SPSB1: variants seen among roughly 807,000 people sequenced by gnomAD.
SPSB1 encodes the protein SPRY domain-containing SOCS box protein 1.
In SPSB1, 8 loss-of-function variants were observed where a neutral mutation model predicts 21.2. The ratio of observed to expected loss-of-function variants is 0.38; its 90% CI spans 0.22 to 0.68. The LOEUF is 0.68. Ranked by LOEUF, SPSB1 falls within the 30% of genes least tolerant of loss-of-function variation. The probability of loss-of-function intolerance (pLI) is 0.53; values close to 1 mark genes in which losing one functional copy is unlikely to be tolerated. For missense variants in SPSB1, 242 were observed against 377.8 expected (o/e 0.64, Z 2.98); for synonymous variants, 169 against 161.7 (o/e 1.05, Z -0.34).
chr1:9,368,174 C>T lies in SPSB1; in HGVS notation c.*599C>T, dbSNP rs1446101507. On this transcript the variant is annotated 3_prime_UTR_variant, in exon 3 of 3. Transcript: ENST00000328089. ...CCATCCTGGCTGCCGGTGCCCCGTA[C>T]CCTGTATTTATTCTTTTAACAATAA... 1 of 154,044 alleles carries T rather than the reference C, an allele frequency of 6.5e-6. No homozygotes were observed. Among genetic ancestry groups the T allele is most frequent in the Non-Finnish European group, 1.4e-5 (1 of 69,038 alleles). 9.5% of individuals were successfully genotyped at this position (154,044 alleles called of 1,614,324 possible).
chr1:9,356,789 A>G lies in SPSB1; in HGVS notation c.694+204A>G, dbSNP rs1462574085. Among the ~76,000 whole-genome samples, 7 of 152,250 alleles carry G rather than the reference A, an allele frequency of 4.6e-5. No individual in the cohort carries two copies. The highest frequency in any genetic ancestry group is 3.9e-4 in the Admixed American group (6 of 15,276). Reference sequence around the variant, plus strand: ...CAGCTAGATTACCTAACGGTGCCTCATGAATGAATGGACAGATGGATGGAT... The same window carrying G: ...CAGCTAGATTACCTAACGGTGCCTCGTGAATGAATGGACAGATGGATGGAT... On this transcript the variant is annotated intron_variant, in intron 2 of 2. Coordinates refer to ENST00000328089, the MANE Select transcript of SPSB1 (RefSeq NM_025106.4). The surrounding 1 kb of genome is among the most constrained non-coding windows in gnomAD (Gnocchi z 7.4).
intron 1 of SPSB1, among the ~76,000 whole-genome samples, chr1:9,313,021 T>G (rs1054909348): frequency 6.6e-6 from 1 of 152,224 alleles, no homozygotes; most frequent in Non-Finnish European, 1.5e-5. Context: ...CTGGGCACTT[T>G]CCACACATTA....
chr1:9,333,328 C>CTTT (rs33924371), intron 1 of SPSB1, among the ~76,000 whole-genome samples: 1 of 126,516 alleles, frequency 7.9e-6, no homozygotes. Flanking sequence ...TTGTCAGCTT[C>CTTT]TTTTTTTTTT....
rs377105623 is a variant in SPSB1, at chr1:9,361,582, C to T, written c.694+4997C>T. ...AGAGTCCCGGCTTCTACACTGGGGC[C>T]GTGGCCGGGCGGAAGTAGGGGTACT... On this transcript the variant is annotated intron_variant, in intron 2 of 2. Transcript: ENST00000328089. Among the ~76,000 whole-genome samples, 555 of 152,346 alleles carry T rather than the reference C, an allele frequency of 3.6e-3. 1 individual carries two copies. The highest frequency in any genetic ancestry group is 8.0e-3 in the African/African-American group (332 of 41,576).
intron 2 of SPSB1, among the ~76,000 whole-genome samples, chr1:9,358,595 C>T (rs1354132524): frequency 6.6e-6 from 1 of 152,208 alleles, no homozygotes; most frequent in Non-Finnish European, 1.5e-5. Flanking sequence ...TGACCCTCAG[C>T]CCTGCCTCCC....
chr1:9,334,146 T>G (rs1639967496), intron 1 of SPSB1, among the ~76,000 whole-genome samples: 1 of 152,178 alleles, frequency 6.6e-6, no homozygotes, highest in East Asian at 1.9e-4. Context: ...AGTGCGGTGG[T>G]GCGATCTCGG....
chr1:9,329,967 C>T (rs897253337), intron 1 of SPSB1, among the ~76,000 whole-genome samples: 6 of 152,266 alleles, frequency 3.9e-5, no homozygotes, highest in Non-Finnish European at 7.3e-5. Context: ...GACAGGACAG[C>T]GGGTTCAGAG....
intron 1 of SPSB1, among the ~76,000 whole-genome samples, chr1:9,351,890 C>T (rs530813490): frequency 1.3e-4 from 20 of 152,328 alleles, no homozygotes; most frequent in Admixed American, 2.6e-4. Flanking sequence ...GTGTGGGCCA[C>T]ATTCCCTGGC....
At chr1:9,311,866 T>C (rs1639526782) in intron 1 of SPSB1, among the ~76,000 whole-genome samples, 1 of 152,200 alleles carries the variant, frequency 6.6e-6, no homozygotes, top group Non-Finnish European at 1.5e-5. Flanking sequence ...GAGCCCTGTT[T>C]CATCCTCTGC....
intron 2 of SPSB1, among the ~76,000 whole-genome samples, chr1:9,366,683 C>T (rs1360898606): frequency 6.6e-6 from 1 of 151,796 alleles, no homozygotes; most frequent in African/African-American, 2.4e-5. Context: ...AAGCGATTCT[C>T]CTGCCTCAGA....
chr1:9,345,588 C>T lies in SPSB1; in HGVS notation c.-149-10155C>T, dbSNP rs1018623664. On this transcript the variant is annotated intron_variant, in intron 1 of 2. Coordinates refer to ENST00000328089, the MANE Select transcript of SPSB1 (RefSeq NM_025106.4). This position sits in a 1 kb window ranked among gnomAD's most constrained non-coding sequence, Gnocchi z 4.8. ...CGTTGTCCTCGCCACCCTGACTAAG[C>T]TACAGCTGCGATATATTGTAATTTT... Among the ~76,000 whole-genome samples, 1 of 152,202 alleles carries T rather than the reference C, an allele frequency of 6.6e-6. No homozygotes were observed. Among genetic ancestry groups the T allele is most frequent in the Non-Finnish European group, 1.5e-5 (1 of 68,040 alleles).
chr1:9,344,100 T>C (rs932265430), intron 1 of SPSB1, among the ~76,000 whole-genome samples: 3 of 152,284 alleles, frequency 2.0e-5, no homozygotes, highest in South Asian at 2.1e-4. Flanking sequence ...GATAAGTTTT[T>C]AAAAATTATG....
At chr1:9,335,787 G>C (rs963109863) in intron 1 of SPSB1, among the ~76,000 whole-genome samples, 1 of 152,214 alleles carries the variant, frequency 6.6e-6, no homozygotes, top group African/African-American at 2.4e-5. Flanking sequence ...CAGCCTGGAC[G>C]ACAGGGCAGG....
chr1:9,343,935 G>A (rs1168733059), intron 1 of SPSB1, among the ~76,000 whole-genome samples: 1 of 152,070 alleles, frequency 6.6e-6, no homozygotes, highest in Non-Finnish European at 1.5e-5. Flanking sequence ...AGAGGCGCCT[G>A]CCACCACGCC....
intron 1 of SPSB1, among the ~76,000 whole-genome samples, chr1:9,347,976 G>A (rs1426856409): frequency 1.5e-5 from 2 of 137,228 alleles, no homozygotes; most frequent in African/African-American, 2.7e-5. Flanking sequence ...ACAGAATCTC[G>A]CTCTGACGCC....
At position 9,351,658 on chromosome 1, in the gene SPSB1, G is replaced by A. The variant is rs540377197; in HGVS notation, c.-149-4085G>A. ...ACCCGCAGAAAGGGTGGATCTGTGCGGCCACATTTTAAAATAGAAGGAAGA... is the reference window on the plus strand; with the variant it reads ...ACCCGCAGAAAGGGTGGATCTGTGCAGCCACATTTTAAAATAGAAGGAAGA... On this transcript the variant is annotated intron_variant, in intron 1 of 2. Transcript: ENST00000328089. The A allele has an allele frequency of 2.6e-5, 4 of 152,306 alleles. No homozygotes were observed. In the East Asian group the frequency reaches 7.7e-4, roughly 29 times the overall value. 9.4% of individuals were successfully genotyped at this position (152,306 alleles called of 1,614,324 possible).
rs567447857 is a variant in SPSB1 at position 9,331,295 on chromosome 1, G to A, written c.-149-24448G>A. Among the ~76,000 whole-genome samples the A allele has an allele frequency of 5.5e-5, 8 of 146,348 alleles. No individual in the cohort carries two copies. In the East Asian group the frequency reaches 6.0e-4, roughly 11 times the overall value. ...ACCTCTGTCATAAATACCCGTTATG[G>A]ATCTCCTTCTGCTACTGGTGCTCTT... On this transcript the variant is annotated intron_variant, in intron 1 of 2. Coordinates refer to ENST00000328089, the MANE Select transcript of SPSB1 (RefSeq NM_025106.4).
At chr1:9,357,128 GATGA>G (rs1212071132) in intron 2 of SPSB1, among the ~76,000 whole-genome samples, 123 of 96,296 alleles carry the variant, frequency 1.3e-3, no homozygotes, top group African/African-American at 3.0e-3. Flanking sequence ...TGGATGGATG[GATGA>G]GTGGATGGAT....
At chr1:9,307,085 G>A (rs560781214) in intron 1 of SPSB1, among the ~76,000 whole-genome samples, 42 of 151,788 alleles carry the variant, frequency 2.8e-4, no homozygotes, top group Admixed American at 1.2e-3. Context: ...GTGCCACCAC[G>A]CCTGGCTAAT....
Sources: gnomAD v4.1 joint callset for allele counts (sites outside exome capture counted in the v4.1 genomes callset) on GRCh38, gnomAD v4.1.1 for gene constraint, Gnocchi (gnomAD v3.1) non-coding constraint, MANE v1.5 for transcripts, NCBI Gene and HGNC (gene_info 2026-07-23, HGNC 2026-07-21) for gene names.